GOLGB1: variants seen among roughly 807,000 people sequenced by gnomAD.
The protein encoded by GOLGB1 is golgin B1.
A neutral mutation model predicts 336.9 loss-of-function variants in GOLGB1; 174 were observed. That is an observed-to-expected ratio of 0.52 (90% CI 0.46 to 0.59). The LOEUF is 0.59. GOLGB1 is among the 20% of genes least tolerant of loss of function. The pLI is 0.00. For synonymous variants in GOLGB1, 1,208 were observed against 1,289.2 expected, an observed-to-expected ratio of 0.94 and a Z score of 1.35; for missense variants, 3,331 against 3,645.3, an observed-to-expected ratio of 0.91 and a Z score of 2.22.
Position 121,714,987 on chromosome 3 carries a change from G to GAAAAA in GOLGB1, c.1289-16_1289-12dup. ...TTTGCTGGAGCTGATCTAAGGAAAA[G>GAAAAA]AAAAAAAATAAATGTAATATTTGCT... is the stretch of plus-strand genomic sequence containing the variant. On this transcript the variant is annotated splice_polypyrimidine_tract_variant and intron_variant, in intron 9 of 21. Coordinates refer to ENST00000614479, the MANE Select transcript of GOLGB1 (RefSeq NM_001366282.2). The GAAAAA allele has an allele frequency of 7.2e-7, 1 of 1,384,360 alleles. No homozygotes were observed. Among genetic ancestry groups the GAAAAA allele is most frequent in the South Asian group, 1.2e-5 (1 of 84,684 alleles). The allele number at this position is 1,384,360 out of a possible 1,614,324, so 85.8% of individuals were successfully genotyped here. A position where few individuals can be genotyped will look rare whatever the true frequency, so the allele number is the denominator to read the frequency against.
chr3:121,683,203 G>T (rs1941307445), intron 14 of GOLGB1, among the ~76,000 whole-genome samples: 1 of 151,330 alleles, frequency 6.6e-6, no homozygotes, highest in Non-Finnish European at 1.5e-5. Context: ...CGCCCGGCCA[G>T]AAAACAACTT....
intron 7 of GOLGB1, among the ~76,000 whole-genome samples, chr3:121,719,038 TA>T (rs1187057049): frequency 1.3e-5 from 2 of 152,228 alleles, no homozygotes; most frequent in Non-Finnish European, 2.9e-5. Flanking sequence ...GCTTAGAACT[TA>T]AAAGTTTCCG....
intron 14 of GOLGB1, among the ~76,000 whole-genome samples, chr3:121,689,016 G>T (rs1319150610): frequency 6.6e-6 from 1 of 150,474 alleles, no homozygotes; most frequent in Non-Finnish European, 1.5e-5. Flanking sequence ...GAGGGAGGTG[G>T]GGGGGTCAGC....
intron 1 of GOLGB1, among the ~76,000 whole-genome samples, chr3:121,740,979 T>C (rs1177633861): frequency 2.6e-5 from 4 of 151,470 alleles, no homozygotes; most frequent in African/African-American, 9.7e-5. Context: ...AAAGATCATA[T>C]GACCAGTAAG....
At position 121,718,401 on chromosome 3, in the gene GOLGB1, TCAG is replaced by T; in HGVS notation, c.869_871del (p.Ala290del). On this transcript the variant is annotated inframe_deletion, in exon 8 of 22. Transcript: ENST00000614479. ...AAAAGGCAGTACCTGGTTTCTCTGC[TCAG>T]CAGCAGTCAGCTCCTGTTGCAGCAA... 6.2e-7 allele frequency: 1 copy of T among 1,607,428 alleles called. No homozygotes were observed. The highest frequency in any genetic ancestry group is 8.5e-7 in the Non-Finnish European group (1 of 1,173,952).
At chr3:121,706,299 G>C (rs978910487) in intron 10 of GOLGB1, among the ~76,000 whole-genome samples, 4 of 151,944 alleles carry the variant, frequency 2.6e-5, no homozygotes, top group Non-Finnish European at 5.9e-5. Flanking sequence ...TAAACACAGA[G>C]ATTGAAAAAG....
At position 121,694,048 on chromosome 3, in the gene GOLGB1, G is replaced by T; in HGVS notation, c.6475C>A (p.His2159Asn). 1 of 1,613,932 alleles carries T rather than the reference G, an allele frequency of 6.2e-7. No homozygotes were observed. Among genetic ancestry groups the T allele is most frequent in the Admixed American group, 1.7e-5 (1 of 60,024 alleles). Residue 2159 changes from histidine (H) to asparagine (N), a missense_variant, in exon 13 of 22, where the codon CAC (histidine) becomes AAC (asparagine). Coordinates refer to ENST00000614479, the MANE Select transcript of GOLGB1 (RefSeq NM_001366282.2). ...KLDALRREKV[H>N]LEETIGEIQV... ...ATCTCTCCAATTGTCTCTTCCAAGT[G>T]GACTTTTTCTCTGCGCAAAGCATCC...
At chr3:121,683,017 T>A (rs1034406315) in intron 14 of GOLGB1, among the ~76,000 whole-genome samples, 1 of 148,520 alleles carries the variant, frequency 6.7e-6, no homozygotes, top group Admixed American at 6.8e-5. Context: ...GATAAGGAGG[T>A]CTAGATGAAA....
At chr3:121,686,131 A>C (rs901348349) in intron 14 of GOLGB1, among the ~76,000 whole-genome samples, 1 of 152,234 alleles carries the variant, frequency 6.6e-6, no homozygotes, top group Non-Finnish European at 1.5e-5. Context: ...GAAGTAATGG[A>C]TGTTTCACAA....
chr3:121,693,442 C>T (rs765601268), intron 13 of GOLGB1, among the ~76,000 whole-genome samples: 2 of 152,116 alleles, frequency 1.3e-5, no homozygotes, highest in Admixed American at 6.5e-5. Context: ...GAGCCAAAAT[C>T]GTGCCATTGC....
chr3:121,677,173 A>G (rs1560180425), intron 16 of GOLGB1, 112 bp downstream of exon 16: 2 of 1,222,080 alleles, frequency 1.6e-6, no homozygotes. Flanking sequence ...CTTAATTTGT[A>G]GGAAGCTGAT....
At chr3:121,677,198 G>A (rs879016404) in intron 16 of GOLGB1, 87 bp downstream of exon 16, 65 of 1,223,028 alleles carry the variant, frequency 5.3e-5, no homozygotes, top group South Asian at 4.9e-4. Flanking sequence ...TCTGGGTAGC[G>A]TCTTAAAAAA....
In GOLGB1 at chr3:121,671,386, A is replaced by T. The variant is rs146716320; in HGVS notation, c.9178-2031T>A. Among the ~76,000 whole-genome samples, 377 of 152,298 alleles carry T rather than the reference A, an allele frequency of 2.5e-3. 3 individuals are homozygous for T. The highest frequency in any genetic ancestry group is 3.7e-3 in the Non-Finnish European group (253 of 68,014). On this transcript the variant is annotated intron_variant, in intron 17 of 21. Coordinates refer to ENST00000614479, the MANE Select transcript of GOLGB1 (RefSeq NM_001366282.2). ...TTATCTATGGGGTATTGGTTTCAGA[A>T]CCACCCCTGGACCCCCAACTCCCAG...
intron 10 of GOLGB1, among the ~76,000 whole-genome samples, chr3:121,707,683 T>C (rs925854000): frequency 1.0e-4 from 15 of 144,580 alleles, no homozygotes; most frequent in Non-Finnish European, 2.3e-4. Context: ...AGAAGAAAAA[T>C]GATACCAGAT....
intron 18 of GOLGB1, among the ~76,000 whole-genome samples, chr3:121,668,937 T>G (rs9819530): frequency 0.34 from 51,584 of 152,068 alleles, 9,441 homozygotes; most frequent in Non-Finnish European, 0.42. Flanking sequence ...AAATCAACAC[T>G]TTCTCTGTTT....
intron 4 of GOLGB1, among the ~76,000 whole-genome samples, chr3:121,728,704 C>G (rs556393706): frequency 8.5e-5 from 13 of 152,308 alleles, no homozygotes; most frequent in African/African-American, 2.9e-4. Context: ...TTTAGAGAGT[C>G]CCAGGTAATT....
At position 121,716,814 on chromosome 3, in the gene GOLGB1, T is replaced by G. The variant is rs767950241; in HGVS notation, c.1211A>C (p.Lys404Thr). 6.2e-7 allele frequency: 1 copy of G among 1,613,350 alleles called. No homozygotes were observed. Among genetic ancestry groups the G allele is most frequent in the Non-Finnish European group, 8.5e-7 (1 of 1,179,258 alleles). ...TTGGAGAAGCTTTGAATTTTGATCCTTTAGAGCATCACAGGCAGACTGCAG... is the reference window on the plus strand; with the variant it reads ...TTGGAGAAGCTTTGAATTTTGATCCGTTAGAGCATCACAGGCAGACTGCAG... ...QELQSACDAL[K>T]DQNSKLLQDK... The change falls in exon 9 of 22, where the codon AAG becomes ACG. Residue 404 changes from lysine to threonine, a missense_variant. Physicochemically the swap from Lys to Thr is moderately conservative, Grantham distance 78. Coordinates refer to ENST00000614479, the MANE Select transcript of GOLGB1 (RefSeq NM_001366282.2).
At chr3:121,727,601 T>C (rs923496124) in intron 4 of GOLGB1, among the ~76,000 whole-genome samples, 5 of 152,072 alleles carry the variant, frequency 3.3e-5, no homozygotes, top group African/African-American at 1.2e-4. Context: ...CAGGAAACTA[T>C]AGCTGTTGCT....
chr3:121,704,102 TGAAGACA>T (rs1377786463), intron 10 of GOLGB1, among the ~76,000 whole-genome samples: 2 of 151,404 alleles, frequency 1.3e-5, no homozygotes, highest in Non-Finnish European at 2.9e-5. Flanking sequence ...TTATCCAATC[TGAAGACA>T]GAAGAATAAA....
Sources: allele counts gnomAD v4.1 joint callset (sites outside exome capture counted in the v4.1 genomes callset), GRCh38; gene constraint gnomAD v4.1.1; transcripts MANE v1.5; gene names NCBI Gene and HGNC (gene_info 2026-07-23, HGNC 2026-07-21).